Variants in DPF3 observed in about 807,000 individuals in gnomAD.
DPF3 encodes the protein zinc finger protein DPF3.
A neutral mutation model predicts 56.8 loss-of-function variants in DPF3; 18 were observed. That is an observed-to-expected ratio of 0.32 (90% CI 0.22 to 0.47). The LOEUF (loss-of-function observed/expected upper bound fraction) is 0.47. Ranked by LOEUF, DPF3 falls within the 20% of genes least tolerant of loss-of-function variation. The pLI is 1.00. For synonymous variants in DPF3, 188 were observed against 180.2 expected (o/e 1.04, Z -0.35); for missense variants, 403 against 488.8 (o/e 0.82, Z 1.65).
chr14:72,628,528 A>G lies in DPF3; in HGVS notation c.984+1096T>C, dbSNP rs145386171. Among the ~76,000 whole-genome samples the G allele has an allele frequency of 3.2e-4, 48 of 152,306 alleles. No individual in the cohort carries two copies. The East Asian group carries it at 7.9e-3, about 25-fold the overall frequency. On this transcript the variant is annotated intron_variant, in intron 9 of 10. Coordinates refer to ENST00000556509, the MANE Select transcript of DPF3 (RefSeq NM_001280542.3). ...TTTGCAACCCCTAACAAAATAGTCAATCCAGTCAAAGGTCATCAATAGATG... is the reference window on the plus strand; with the variant it reads ...TTTGCAACCCCTAACAAAATAGTCAGTCCAGTCAAAGGTCATCAATAGATG...
chr14:72,649,469 A>C (rs1885831234), intron 8 of DPF3, among the ~76,000 whole-genome samples: 2 of 152,216 alleles, frequency 1.3e-5, no homozygotes, highest in East Asian at 3.9e-4. Flanking sequence ...GAGAAGCAAC[A>C]AAGTGAGAAG....
intron 2 of DPF3, among the ~76,000 whole-genome samples, chr14:72,753,856 C>A (rs1043309488): frequency 1.3e-5 from 2 of 152,066 alleles, no homozygotes; most frequent in African/African-American, 4.8e-5. Flanking sequence ...TACTCAAAGG[C>A]GTCTCCCACC....
In DPF3 at chr14:72,894,098, A is replaced by T; in HGVS notation, c.-10T>A. On this transcript the variant is annotated 5_prime_UTR_variant, in exon 1 of 11. In the 5' UTR this introduces an upstream ATG that the reference lacks. Transcript: ENST00000556509. ...GAATGACAGTCGCCATTTTGCTACA[A>T]TGTAACAGAATATTGTCTCAGAGTT... 6.7e-7 allele frequency: 1 copy of T among 1,489,502 alleles called. No homozygotes were observed. The allele number at this position is 1,489,502 out of a possible 1,614,324, so 92.3% of individuals were successfully genotyped here.
chr14:72,822,070 T>C (rs1158439203), intron 1 of DPF3, among the ~76,000 whole-genome samples: 3 of 152,160 alleles, frequency 2.0e-5, no homozygotes, highest in East Asian at 1.9e-4. Flanking sequence ...TATGCATCTG[T>C]TAAAAACAGG....
intron 1 of DPF3, among the ~76,000 whole-genome samples, chr14:72,876,771 A>G (rs1312426869): frequency 1.3e-5 from 2 of 152,200 alleles, no homozygotes; most frequent in African/African-American, 2.4e-5. Flanking sequence ...ATCCTCTGTC[A>G]TCCCAGCCAC....
chr14:72,660,021 T>C (rs537536475), intron 8 of DPF3, among the ~76,000 whole-genome samples: 1 of 152,060 alleles, frequency 6.6e-6, no homozygotes, highest in African/African-American at 2.4e-5. Context: ...GGACAGAAAG[T>C]AGAATGGTGG....
intron 8 of DPF3, 56 bp downstream of exon 8, chr14:72,674,184 G>A (rs1442090369): frequency 7.0e-6 from 11 of 1,567,738 alleles, no homozygotes; most frequent in Middle Eastern, 1.8e-4. Context: ...GAAGAGGAAT[G>A]CAAGAGGAGC....
intron 2 of DPF3, among the ~76,000 whole-genome samples, chr14:72,771,346 T>C (rs190403514): frequency 3.3e-5 from 5 of 152,096 alleles, no homozygotes; most frequent in Non-Finnish European, 7.4e-5. Flanking sequence ...GGGACAGAAG[T>C]TTGGTGACAA....
chr14:72,710,379 C>T (rs1461592005), intron 6 of DPF3, among the ~76,000 whole-genome samples: 3 of 152,194 alleles, frequency 2.0e-5, no homozygotes, highest in Non-Finnish European at 2.9e-5. Context: ...TCTAAGGAGA[C>T]CAACTAAAAC....
intron 8 of DPF3, among the ~76,000 whole-genome samples, chr14:72,657,625 TACCACCACCACC>T (rs749449578): frequency 4.6e-4 from 70 of 152,138 alleles, no homozygotes; most frequent in Admixed American, 9.8e-4. Context: ...AATGCCCTAT[TACCACCACCACC>T]ACCACCCCCA....
At chr14:72,865,574 T>C (rs568815187) in intron 1 of DPF3, among the ~76,000 whole-genome samples, 6 of 152,226 alleles carry the variant, frequency 3.9e-5, no homozygotes, top group East Asian at 3.9e-4. Flanking sequence ...TGGAAAAACA[T>C]TGGACTATTC....
At chr14:72,793,657 C>T (rs1892528676) in intron 1 of DPF3, among the ~76,000 whole-genome samples, 1 of 152,154 alleles carries the variant, frequency 6.6e-6, no homozygotes, top group Non-Finnish European at 1.5e-5. Flanking sequence ...GTAGAGCATC[C>T]AAAGATGGGG....
At chr14:72,750,791 CAAAAAAAA>C (rs35754238) in intron 3 of DPF3, among the ~76,000 whole-genome samples, 11 of 65,948 alleles carry the variant, frequency 1.7e-4, no homozygotes, top group Non-Finnish European at 2.1e-4. Context: ...GAAAGAATCT[CAAAAAAAA>C]AAAAAAAAAA....
chr14:72,714,294 G>A (rs924507917), intron 6 of DPF3, 129 bp downstream of exon 6: 18 of 1,160,160 alleles, frequency 1.6e-5, no homozygotes, highest in Non-Finnish European at 1.8e-5. Context: ...GAGTAAGCTG[G>A]GGTGCAGACA....
chr14:72,893,722 G>C (rs1765604458), intron 1 of DPF3, among the ~76,000 whole-genome samples: 1 of 149,958 alleles, frequency 6.7e-6, no homozygotes, highest in African/African-American at 2.4e-5. Flanking sequence ...GGGGGACTCC[G>C]GGGACCGCGC....
intron 8 of DPF3, among the ~76,000 whole-genome samples, chr14:72,640,421 T>C (rs1192923368): frequency 6.6e-6 from 1 of 152,140 alleles, no homozygotes; most frequent in African/African-American, 2.4e-5. Context: ...TCAATGAGTT[T>C]GTATTGAGCA....
intron 3 of DPF3, among the ~76,000 whole-genome samples, chr14:72,737,898 A>ATT (rs201559382): frequency 6.8e-6 from 1 of 145,994 alleles, no homozygotes. Context: ...TGAGTGCTCA[A>ATT]TTTTTTTTTT....
intron 8 of DPF3, among the ~76,000 whole-genome samples, chr14:72,639,448 T>A (rs1599322446): frequency 6.6e-6 from 1 of 152,206 alleles, no homozygotes; most frequent in Non-Finnish European, 1.5e-5. Flanking sequence ...AGTGATGAGA[T>A]GTCACTTATA....
intron 1 of DPF3, among the ~76,000 whole-genome samples, chr14:72,812,886 C>T (rs1327091265): frequency 6.6e-6 from 1 of 152,074 alleles, no homozygotes; most frequent in African/African-American, 2.4e-5. Context: ...CCTGAGAGGG[C>T]TCTGAGGATA....
Sources: gnomAD v4.1 joint callset for allele counts (sites outside exome capture counted in the v4.1 genomes callset) on GRCh38, gnomAD v4.1.1 for gene constraint, MANE v1.5 for transcripts, NCBI Gene and HGNC (gene_info 2026-07-23, HGNC 2026-07-21) for gene names.